Variants in AGBL4 observed in about 807,000 individuals in gnomAD.
AGBL4 encodes the protein cytosolic carboxypeptidase 6.
Under a neutral mutation model 66.4 loss-of-function variants are expected in AGBL4, and 58 were observed. That is an observed-to-expected ratio of 0.87 (90% CI 0.71 to 1.09). The LOEUF (loss-of-function observed/expected upper bound fraction) is 1.09. AGBL4 is among the 50% of genes least tolerant of loss of function. The pLI is 0.00. For missense variants in AGBL4, 579 were observed against 631.0 expected (o/e 0.92, Z 0.88); for synonymous variants, 234 against 222.9 (o/e 1.05, Z -0.44).
At chr1:49,878,712 C>A (rs1243551836) in intron 1 of AGBL4, among the ~76,000 whole-genome samples, 2 of 151,166 alleles carry the variant, frequency 1.3e-5, no homozygotes, top group African/African-American at 4.9e-5. Context: ...TCCTGGGTAT[C>A]GTTGTTGACT....
rs541395254 is a variant in AGBL4, at chr1:48,729,853, G to A, written c.635-66612C>T. 2.0e-5 allele frequency among the ~76,000 whole-genome samples: 3 copies of A among 152,056 alleles called. No homozygotes were observed. The East Asian group carries it at 5.8e-4, about 30-fold the overall frequency. ...TCACTTCCTGACTATTCCCAAGCCT[G>A]ACTAATCCTCACTTCATCTTGTCTT... On this transcript the variant is annotated intron_variant, in intron 6 of 13. Transcript: ENST00000371839.
At chr1:49,648,250 G>T (rs539673891) in intron 3 of AGBL4, among the ~76,000 whole-genome samples, 1 of 151,526 alleles carries the variant, frequency 6.6e-6, no homozygotes, top group African/African-American at 2.4e-5. Context: ...ATATAGGCTG[G>T]ACACAGCTGA....
At chr1:48,987,032 C>G (rs1243005307) in intron 5 of AGBL4, among the ~76,000 whole-genome samples, 1 of 151,408 alleles carries the variant, frequency 6.6e-6, no homozygotes, top group African/African-American at 2.4e-5. Context: ...ATCTAATAAA[C>G]CAACAAAGGA....
At chr1:48,964,318 C>A (rs575955696) in intron 5 of AGBL4, among the ~76,000 whole-genome samples, 5 of 151,718 alleles carry the variant, frequency 3.3e-5, no homozygotes, top group Admixed American at 1.3e-4. Context: ...CTTGGTTTAT[C>A]CAAATCTGTG....
chr1:49,071,752 T>C lies in AGBL4; in HGVS notation c.378-25952A>G, dbSNP rs906866319. On this transcript the variant is annotated intron_variant, in intron 4 of 13. Transcript: ENST00000371839. ...TGGTGTGGAGAGTTCTGTAGATGTA[T>C]ATTAGGTCCACTTGGTCCAAAGCTG... Among the ~76,000 whole-genome samples the C allele has an allele frequency of 3.9e-5, 6 of 151,958 alleles. No individual in the cohort carries two copies. In the East Asian group the frequency reaches 7.7e-4, roughly 19 times the overall value.
chr1:49,348,880 T>A (rs915040193), intron 3 of AGBL4, among the ~76,000 whole-genome samples: 1 of 152,174 alleles, frequency 6.6e-6, no homozygotes, highest in African/African-American at 2.4e-5. Context: ...AACACACACG[T>A]CATATGTTTA....
intron 3 of AGBL4, among the ~76,000 whole-genome samples, chr1:49,361,393 C>G (rs1006963429): frequency 2.6e-5 from 4 of 152,126 alleles, no homozygotes; most frequent in Non-Finnish European, 5.9e-5. Context: ...GTGGCACGAT[C>G]TGGCTCACTG....
intron 4 of AGBL4, among the ~76,000 whole-genome samples, chr1:49,057,868 T>C (rs1644334594): frequency 6.6e-6 from 1 of 152,128 alleles, no homozygotes; most frequent in East Asian, 1.9e-4. Flanking sequence ...ATACTCACAA[T>C]AGATATTTGT....
At chr1:49,849,047 A>G (rs1646233555) in intron 2 of AGBL4, among the ~76,000 whole-genome samples, 1 of 152,152 alleles carries the variant, frequency 6.6e-6, no homozygotes, top group South Asian at 2.1e-4. Context: ...TGGGGGGATG[A>G]GTTCAGGGAT....
chr1:49,399,489 C>CA (rs1645039604), intron 3 of AGBL4, among the ~76,000 whole-genome samples: 1 of 152,180 alleles, frequency 6.6e-6, no homozygotes, highest in African/African-American at 2.4e-5. Context: ...CTTTTCTCTA[C>CA]ATCCTCACCA....
chr1:49,785,411 CA>C (rs1193644968), intron 2 of AGBL4, among the ~76,000 whole-genome samples: 2 of 151,940 alleles, frequency 1.3e-5, no homozygotes, highest in African/African-American at 4.8e-5. Flanking sequence ...AATGTATATA[CA>C]TATATCTAAG....
At chr1:49,465,237 AC>A (rs1238564981) in intron 3 of AGBL4, among the ~76,000 whole-genome samples, 3 of 150,720 alleles carry the variant, frequency 2.0e-5, no homozygotes, top group Non-Finnish European at 3.0e-5. Flanking sequence ...ACACACACAC[AC>A]ACACACACAC....
At chr1:48,585,066 A>G (rs1164110142) in intron 11 of AGBL4, 1 of 152,194 alleles carries the variant, frequency 6.6e-6, no homozygotes, top group African/African-American at 2.4e-5. Context: ...GGTGCCTTTT[A>G]TGATTCCTGG....
chr1:48,649,680 G>A (rs572048181), intron 8 of AGBL4, among the ~76,000 whole-genome samples: 20 of 152,204 alleles, frequency 1.3e-4, no homozygotes, highest in African/African-American at 4.8e-4. Flanking sequence ...CCACAGAATA[G>A]GTACTTGTAT....
intron 3 of AGBL4, among the ~76,000 whole-genome samples, chr1:49,378,049 T>C (rs1315025861): frequency 3.4e-5 from 5 of 145,372 alleles, no homozygotes; most frequent in African/African-American, 1.4e-4. Context: ...CTTCATGCCA[T>C]GTCTCCCAAC....
intron 1 of AGBL4, among the ~76,000 whole-genome samples, chr1:49,939,123 T>C (rs1191456291): frequency 2.6e-5 from 4 of 151,870 alleles, no homozygotes; most frequent in African/African-American, 9.7e-5. Flanking sequence ...GAGAATAAAA[T>C]ACCTAGGAAT....
chr1:49,546,996 C>G (rs149043137), intron 3 of AGBL4, among the ~76,000 whole-genome samples: 1 of 152,190 alleles, frequency 6.6e-6, no homozygotes, highest in Non-Finnish European at 1.5e-5. Context: ...TGTGCAAAAG[C>G]TCTTTAGTTT....
chr1:49,574,156 A>C (rs1055700058), intron 3 of AGBL4, among the ~76,000 whole-genome samples: 2 of 152,142 alleles, frequency 1.3e-5, no homozygotes, highest in Non-Finnish European at 2.9e-5. Context: ...GGTGTGCTAC[A>C]CTCGAACTGT....
At chr1:49,108,587 T>A (rs1645343513) in intron 4 of AGBL4, among the ~76,000 whole-genome samples, 1 of 152,170 alleles carries the variant, frequency 6.6e-6, no homozygotes, top group African/African-American at 2.4e-5. Flanking sequence ...CATACTGCCA[T>A]CAGAGTGAGC....
Sources: allele counts gnomAD v4.1 joint callset (sites outside exome capture counted in the v4.1 genomes callset), GRCh38; gene constraint gnomAD v4.1.1; transcripts MANE v1.5; gene names NCBI Gene and HGNC (gene_info 2026-07-23, HGNC 2026-07-21).